Variants in ODAPH observed in about 807,000 individuals in gnomAD.
ODAPH encodes amelogenesis imperfecta type IIA4.
ODAPH carries 2 observed loss-of-function variants against 2.8 expected under a neutral mutation model. The observed-to-expected ratio is 0.72, with a 90% CI of 0.30 to 2.28. The LOEUF (loss-of-function observed/expected upper bound fraction) is 2.28. Among genes scored for constraint, ODAPH ranks in the 30% most tolerant of loss-of-function variants. ODAPH has a pLI of 0.13. For synonymous variants in ODAPH, 75 were observed against 60.3 expected (o/e 1.24, Z -1.13); for missense variants, 159 against 163.3 (o/e 0.97, Z 0.14).
chr4:75,561,169 A>C (rs1184540074), intron 1 of ODAPH, among the ~76,000 whole-genome samples: 1 of 141,680 alleles, frequency 7.1e-6, no homozygotes, highest in Admixed American at 7.4e-5. Flanking sequence ...GCTTGCAGTG[A>C]GCCGAGATCG....
intron 1 of ODAPH, among the ~76,000 whole-genome samples, chr4:75,561,116 C>G (rs1213470206): frequency 6.8e-6 from 1 of 147,570 alleles, no homozygotes; most frequent in Non-Finnish European, 1.5e-5. Flanking sequence ...CCCGGCTACT[C>G]GGGAGGCTGA....
chr4:75,557,594 G>A (rs1444994570), intron 1 of ODAPH, among the ~76,000 whole-genome samples: 2 of 152,160 alleles, frequency 1.3e-5, no homozygotes, highest in Non-Finnish European at 2.9e-5. Context: ...AGCCAAGATC[G>A]TGCCATTGCA....
Position 75,564,734 on chromosome 4 carries a change from T to C in ODAPH, c.*295T>C, listed in dbSNP as rs1007981453. The C allele has an allele frequency of 7.0e-6, 4 of 572,022 alleles. No individual in the cohort carries two copies. Among genetic ancestry groups the C allele is most frequent in the African/African-American group, 5.6e-5 (3 of 53,354 alleles). 35.4% of individuals were successfully genotyped at this position (572,022 alleles called of 1,614,324 possible). On this transcript the variant is annotated 3_prime_UTR_variant, in exon 2 of 2. Transcript: ENST00000311623. The stretch of plus-strand genomic sequence containing the variant: ...TTAAATGGGTGGCTCTAGTAATTCC[T>C]ATCCATACTAAGATGCTGAGAGAAT...
At chr4:75,559,745 G>C (rs911986163) in intron 1 of ODAPH, among the ~76,000 whole-genome samples, 1 of 152,156 alleles carries the variant, frequency 6.6e-6, no homozygotes, top group African/African-American at 2.4e-5. Context: ...GTAGGAACTT[G>C]GTAACTTTGC....
rs144879318 is a variant in ODAPH at position 75,564,254 on chromosome 4, T to C, written c.208T>C (p.Cys70Arg). 142 of 1,614,052 alleles carry C rather than the reference T, an allele frequency of 8.8e-5. No homozygotes were observed. The highest frequency in any genetic ancestry group is 2.2e-5 in the East Asian group (1 of 44,900). Residue 70 changes from cysteine to arginine, a missense_variant, in exon 2 of 2, where the codon TGT becomes CGT. Cys to Arg is a radical substitution (Grantham distance 180). Transcript: ENST00000311623. The part of the protein sequence containing the change: ...RAQPITKTPR[C>R]PFHFFPRRPR... ...CCAGCCCATCACAAAGACACCCAGG[T>C]GTCCCTTCCATTTTTTTCCACGAAG...
chr4:75,563,005 CTTT>C (rs542417085), intron 1 of ODAPH, among the ~76,000 whole-genome samples: 11 of 59,598 alleles, frequency 1.8e-4, no homozygotes, highest in East Asian at 5.8e-4. Flanking sequence ...ATCCACACAT[CTTT>C]TTTTTTTTTT....
rs760304382 is a variant in ODAPH, at chr4:75,564,163, C to T, written c.117C>T (p.Asp39=). The T allele has an allele frequency of 6.2e-6, 10 of 1,614,172 alleles. No individual in the cohort carries two copies. Among genetic ancestry groups the T allele is most frequent in the Admixed American group, 3.3e-5 (2 of 60,022 alleles). The part of the protein sequence containing the change: ...TPPGDSQNNA[D]ATDCQIFTLT... ...CTGGAGATTCACAAAATAATGCGGA[C>T]GCTACCGACTGCCAGATCTTTACAC... is the stretch of plus-strand genomic sequence containing the variant. The change falls in exon 2 of 2, where the codon GAC becomes GAT. Residue 39 remains aspartate, a synonymous_variant. Transcript: ENST00000311623.
intron 1 of ODAPH, among the ~76,000 whole-genome samples, chr4:75,559,423 T>G (rs1333701690): frequency 6.6e-6 from 1 of 152,190 alleles, no homozygotes; most frequent in Non-Finnish European, 1.5e-5. Flanking sequence ...GATGATGAGA[T>G]GGGTAGTATT....
At chr4:75,565,447 G>A (rs767462570), downstream of ODAPH, 4 of 151,936 alleles carry the variant, frequency 2.6e-5, no homozygotes, top group Non-Finnish European at 5.9e-5. Flanking sequence ...AACTTTTAAC[G>A]TAATTCCAGG....
chr4:75,556,489 C>G, intron 1 of ODAPH: 1 of 1,454,442 alleles, frequency 6.9e-7, no homozygotes, highest in Non-Finnish European at 9.3e-7. Flanking sequence ...AAACACTGTA[C>G]AAATACTAGT....
At chr4:75,562,745 A>T (rs1727632026) in intron 1 of ODAPH, among the ~76,000 whole-genome samples, 1 of 152,128 alleles carries the variant, frequency 6.6e-6, no homozygotes, top group South Asian at 2.1e-4. Context: ...TGATTCAATG[A>T]CACAGCCAAG....
intron 1 of ODAPH, among the ~76,000 whole-genome samples, chr4:75,559,121 C>T (rs1727462935): frequency 6.6e-6 from 1 of 152,200 alleles, no homozygotes; most frequent in Admixed American, 6.5e-5. Context: ...CAAGTATTTA[C>T]TGAGCACCAC....
rs1727720970 is a variant in ODAPH at position 75,564,252 on chromosome 4, G to A, written c.206G>A (p.Arg69Lys). ...TRAQPITKTP[R>K]CPFHFFPRRP... ...GCCCAGCCCATCACAAAGACACCCA[G>A]GTGTCCCTTCCATTTTTTTCCACGA... The change falls in exon 2 of 2, where the codon AGG becomes AAG. Residue 69 changes from arginine to lysine, a missense_variant. Coordinates refer to ENST00000311623, the MANE Select transcript of ODAPH (RefSeq NM_178497.5). 1 of 1,614,046 alleles carries A rather than the reference G, an allele frequency of 6.2e-7. No homozygotes were observed. The highest frequency in any genetic ancestry group is 1.1e-5 in the South Asian group (1 of 91,080).
At chr4:75,564,877 T>G (rs1377198935), downstream of ODAPH, 2 of 254,984 alleles carry the variant, frequency 7.8e-6, no homozygotes, top group Non-Finnish European at 1.5e-5. Context: ...CAAGGTGCAT[T>G]GACAAAGTAA....
chr4:75,561,240 A>G (rs1307168233), intron 1 of ODAPH, among the ~76,000 whole-genome samples: 2 of 151,284 alleles, frequency 1.3e-5, no homozygotes, highest in Non-Finnish European at 3.0e-5. Context: ...AAAAAAAAAA[A>G]AAAACGAGAC....
chr4:75,556,374 G>A (rs956477206), intron 1 of ODAPH, among the ~76,000 whole-genome samples: 1 of 152,172 alleles, frequency 6.6e-6, no homozygotes, highest in Non-Finnish European at 1.5e-5. Context: ...AAATCTCTGA[G>A]TATCAGATTC....
intron 1 of ODAPH, among the ~76,000 whole-genome samples, chr4:75,562,405 T>A (rs1264054081): frequency 6.7e-6 from 1 of 149,512 alleles, no homozygotes; most frequent in Non-Finnish European, 1.5e-5. Flanking sequence ...AATGGCGCAA[T>A]CTCGGCTCAC....
chr4:75,560,233 C>T (rs889400257), intron 1 of ODAPH, among the ~76,000 whole-genome samples: 3 of 152,158 alleles, frequency 2.0e-5, no homozygotes, highest in Non-Finnish European at 2.9e-5. Context: ...GGCAGATTAC[C>T]TCAGCTTTCT....
At chr4:75,562,143 GA>G (rs778610265) in intron 1 of ODAPH, among the ~76,000 whole-genome samples, 27 of 152,306 alleles carry the variant, frequency 1.8e-4, no homozygotes, top group Middle Eastern at 3.4e-3. Flanking sequence ...GCCATAGCCA[GA>G]AGGTGCGTAG....
Sources: allele counts gnomAD v4.1 joint callset (sites outside exome capture counted in the v4.1 genomes callset), GRCh38; gene constraint gnomAD v4.1.1; transcripts MANE v1.5; gene names NCBI Gene and HGNC (gene_info 2026-07-23, HGNC 2026-07-21).